The following SGPP2 variants were observed in gnomAD, a reference collection of about 807,000 sequenced individuals.
The protein encoded by SGPP2 is sphingosine-1-phosphate phosphatase 2, also known as sphingosine 1-phosphate phosphohydrolase 2.
A neutral mutation model predicts 33.9 loss-of-function variants in SGPP2; 30 were observed. That is an observed-to-expected ratio of 0.89 (90% CI 0.66 to 1.20). The LOEUF is 1.20. Ranked by LOEUF, SGPP2 falls within the 50% of genes most tolerant of loss-of-function variation. SGPP2 has a pLI of 0.00. For synonymous variants in SGPP2, 233 were observed against 225.0 expected, an observed-to-expected ratio of 1.04 and a Z score of -0.32; for missense variants, 458 against 532.1, an observed-to-expected ratio of 0.86 and a Z score of 1.37.
At chr2:222,426,492 C>G (rs1697073818) in intron 1 of SGPP2, among the ~76,000 whole-genome samples, 1 of 152,194 alleles carries the variant, frequency 6.6e-6, no homozygotes, top group African/African-American at 2.4e-5. Flanking sequence ...TCCTCTTGAC[C>G]TTTAAAAGCA....
chr2:222,523,535 C>A (rs1248435559), intron 3 of SGPP2, among the ~76,000 whole-genome samples: 1 of 152,130 alleles, frequency 6.6e-6, no homozygotes, highest in Non-Finnish European at 1.5e-5. Flanking sequence ...GCAGAGCCAC[C>A]CAGTCCTCCT....
intron 2 of SGPP2, among the ~76,000 whole-genome samples, chr2:222,511,791 C>G (rs1358051016): frequency 6.6e-6 from 1 of 152,168 alleles, no homozygotes; most frequent in Admixed American, 6.5e-5. Context: ...GATCCTCCCA[C>G]CACAGCCTCC....
chr2:222,430,172 T>C (rs1697130914), intron 1 of SGPP2, among the ~76,000 whole-genome samples: 1 of 152,146 alleles, frequency 6.6e-6, no homozygotes, highest in African/African-American at 2.4e-5. Flanking sequence ...GGGGAGCCCA[T>C]GAAGTCTTGA....
chr2:222,516,311 C>T (rs1187782831), intron 2 of SGPP2, among the ~76,000 whole-genome samples: 2 of 152,184 alleles, frequency 1.3e-5, no homozygotes, highest in Non-Finnish European at 2.9e-5. Flanking sequence ...CTTCATTCAG[C>T]ATAATTATTT....
chr2:222,498,105 G>A (rs1698309192), intron 2 of SGPP2, among the ~76,000 whole-genome samples: 1 of 152,118 alleles, frequency 6.6e-6, no homozygotes, highest in Admixed American at 6.5e-5. Flanking sequence ...GTCTCCTTTT[G>A]TGATTGCAGA....
intron 2 of SGPP2, among the ~76,000 whole-genome samples, chr2:222,481,506 T>C (rs1698028811): frequency 6.6e-6 from 1 of 152,188 alleles, no homozygotes; most frequent in Non-Finnish European, 1.5e-5. Flanking sequence ...GTTCAAGACT[T>C]TGAGAAGTGG....
chr2:222,461,530 A>G (rs1697660422), intron 1 of SGPP2, among the ~76,000 whole-genome samples: 1 of 152,088 alleles, frequency 6.6e-6, no homozygotes, highest in African/African-American at 2.4e-5. Flanking sequence ...TATTAATATA[A>G]TGAAATAATT....
chr2:222,424,430 C>T (rs1417519487), upstream of SGPP2: 6 of 221,172 alleles, frequency 2.7e-5, no homozygotes, highest in East Asian at 6.6e-4. Flanking sequence ...GAGGCAGACA[C>T]CTGGGCGGGC....
chr2:222,520,094 T>A (rs958682949), intron 2 of SGPP2, among the ~76,000 whole-genome samples: 6 of 152,248 alleles, frequency 3.9e-5, no homozygotes. Context: ...ATCTCCAAAC[T>A]GCTTTCCACA....
rs759479079 is a variant in SGPP2 at position 222,521,860 on chromosome 2, G to A, written c.472G>A (p.Ala158Thr). Reference protein sequence around the residue: ...PVVKLEKRLIAEYGMPSTHAM... With the variant: ...PVVKLEKRLITEYGMPSTHAM... ...TGTAAAACTGGAAAAGAGACTGATC[G>A]CTGAATATGGAATGCCATCCACCCA... is the stretch of plus-strand genomic sequence containing the variant. Residue 158 changes from alanine to threonine, a missense_variant, in exon 3 of 5, where the codon GCT becomes ACT. By Grantham distance (58) the Ala-to-Thr change is moderately conservative (BLOSUM62 0). Coordinates refer to ENST00000321276, the MANE Select transcript of SGPP2 (RefSeq NM_152386.4). 101 of 1,611,010 alleles carry A rather than the reference G, an allele frequency of 6.3e-5. No homozygotes were observed. The Middle Eastern group carries it at 3.1e-3, about 50-fold the overall frequency.
In SGPP2 at chr2:222,477,961, G is replaced by A. The variant is rs1697973269; in HGVS notation, c.378+3235G>A. Among the ~76,000 whole-genome samples, 1 of 152,130 alleles carries A rather than the reference G, an allele frequency of 6.6e-6. No homozygotes were observed. On this transcript the variant is annotated intron_variant, in intron 2 of 4. Coordinates refer to ENST00000321276, the MANE Select transcript of SGPP2 (RefSeq NM_152386.4). This position sits in a 1 kb window ranked among gnomAD's most constrained non-coding sequence, Gnocchi z 6.0. The stretch of plus-strand genomic sequence containing the variant: ...CTCTGAATCTGCAGTTTGTCCTGAG[G>A]TTTGGCCACCTGTTACTTGACTTTT...
At chr2:222,456,167 A>G (rs1463979356) in intron 1 of SGPP2, among the ~76,000 whole-genome samples, 1 of 152,258 alleles carries the variant, frequency 6.6e-6, no homozygotes, top group Non-Finnish European at 1.5e-5. Flanking sequence ...TTTAGAATTT[A>G]AGAATAAATT....
intron 2 of SGPP2, among the ~76,000 whole-genome samples, chr2:222,482,317 T>C (rs554892464): frequency 6.6e-6 from 1 of 152,202 alleles, no homozygotes; most frequent in Admixed American, 6.5e-5. Flanking sequence ...TCTGCTATAA[T>C]TCAATTGTGA....
rs1689538913 is a variant in SGPP2, at chr2:222,561,517, G to T, written c.*2619G>T. Among the ~76,000 whole-genome samples the T allele has an allele frequency of 6.9e-6, 1 of 144,178 alleles. No homozygotes were observed. Among genetic ancestry groups the T allele is most frequent in the Non-Finnish European group, 1.5e-5 (1 of 65,904 alleles). 94.6% of individuals were successfully genotyped at this position (144,178 alleles called of 152,430 possible). A position where few individuals can be genotyped will look rare whatever the true frequency, so the allele number is the denominator to read the frequency against. Reference sequence around the variant, plus strand: ...GTGGGTGCTGGCCTCTCATATATATGATATATATATATCATTTTATATATA... The same window carrying T: ...GTGGGTGCTGGCCTCTCATATATATTATATATATATATCATTTTATATATA... On this transcript the variant is annotated 3_prime_UTR_variant, in exon 5 of 5. Coordinates refer to ENST00000321276, the MANE Select transcript of SGPP2 (RefSeq NM_152386.4).
intron 4 of SGPP2, among the ~76,000 whole-genome samples, chr2:222,557,922 C>A (rs754282718): frequency 1.8e-4 from 27 of 152,156 alleles, no homozygotes; most frequent in African/African-American, 4.8e-5. Flanking sequence ...TTGGCTCCCC[C>A]AGAAGCGAGC....
chr2:222,542,378 C>G (rs1254273043), intron 4 of SGPP2, among the ~76,000 whole-genome samples: 1 of 152,184 alleles, frequency 6.6e-6, no homozygotes, highest in Non-Finnish European at 1.5e-5. Flanking sequence ...CCCAAACTTT[C>G]TTTTATGTGC....
Position 222,460,671 on chromosome 2 carries a change from C to A in SGPP2, c.220-13897C>A, listed in dbSNP as rs1375457753. Among the ~76,000 whole-genome samples, 1 of 152,192 alleles carries A rather than the reference C, an allele frequency of 6.6e-6. No homozygotes were observed. Among genetic ancestry groups the A allele is most frequent in the Non-Finnish European group, 1.5e-5 (1 of 68,022 alleles). On this transcript the variant is annotated intron_variant, in intron 1 of 4. Transcript: ENST00000321276. This position sits in a 1 kb window ranked among gnomAD's most constrained non-coding sequence, Gnocchi z 4.3. The stretch of plus-strand genomic sequence containing the variant: ...CTCTCCTCTCTGGCTTTGGCCTCCA[C>A]TTCTAGCTCTGCTGCCTACGACTCC...
At chr2:222,510,578 T>A (rs997761224) in intron 2 of SGPP2, among the ~76,000 whole-genome samples, 1 of 152,198 alleles carries the variant, frequency 6.6e-6, no homozygotes, top group African/African-American at 2.4e-5. Flanking sequence ...TGGAGGGGGC[T>A]ATGAGTGTAG....
chr2:222,545,625 G>A (rs10932960), intron 4 of SGPP2, among the ~76,000 whole-genome samples: 138,578 of 152,222 alleles, frequency 0.91, 63,346 homozygotes, highest in East Asian at 1. Flanking sequence ...TTAGGAATCA[G>A]TTTTAAAACT....
Sources: gnomAD v4.1 joint callset for allele counts (sites outside exome capture counted in the v4.1 genomes callset) on GRCh38, gnomAD v4.1.1 for gene constraint, Gnocchi (gnomAD v3.1) non-coding constraint, MANE v1.5 for transcripts, NCBI Gene and HGNC (gene_info 2026-07-23, HGNC 2026-07-21) for gene names.